Variants in KCNQ1 observed in about 807,000 individuals in gnomAD.
KCNQ1 encodes the protein potassium voltage-gated channel subfamily Q member 1.
KCNQ1 carries 49 observed loss-of-function variants against 72.4 expected under a neutral mutation model. The observed-to-expected ratio is 0.68, with a 90% CI of 0.54 to 0.86. The LOEUF (loss-of-function observed/expected upper bound fraction) is 0.86. KCNQ1 is among the 40% of genes least tolerant of loss of function. The pLI is 0.00. For synonymous variants in KCNQ1, 450 were observed against 412.6 expected, an observed-to-expected ratio of 1.09 and a Z score of -1.10; for missense variants, 790 against 945.1, an observed-to-expected ratio of 0.84 and a Z score of 2.15.
chr11:2,607,680 CTT>C (rs1848903681), intron 10 of KCNQ1, among the ~76,000 whole-genome samples: 1 of 152,188 alleles, frequency 6.6e-6, no homozygotes, highest in African/African-American at 2.4e-5. Flanking sequence ...GTTCGTGATA[CTT>C]TGTTATAACA....
At chr11:2,533,339 C>T (rs1847673236) in intron 2 of KCNQ1, among the ~76,000 whole-genome samples, 1 of 152,218 alleles carries the variant, frequency 6.6e-6, no homozygotes, top group African/African-American at 2.4e-5. Flanking sequence ...GTCCGGCCGG[C>T]ACCGTGAACA....
intron 11 of KCNQ1, chr11:2,688,849 G>A (rs1434110810): frequency 5.0e-6 from 2 of 398,870 alleles, no homozygotes; most frequent in East Asian, 7.1e-5. Context: ...TCCAGGTGGA[G>A]AGGGCTGGGC....
In KCNQ1 at chr11:2,715,536, A is replaced by G. The variant is rs1851078559; in HGVS notation, c.1515-53308A>G. Among the ~76,000 whole-genome samples, 1 of 151,964 alleles carries G rather than the reference A, an allele frequency of 6.6e-6. No individual in the cohort carries two copies. The highest frequency in any genetic ancestry group is 6.6e-5 in the Admixed American group (1 of 15,258). ...CCAGGTAGACTTCGTTTCCAGCCGG[A>G]GTGTACCTGGGGATGCCTGTGCCCA... On this transcript the variant is annotated intron_variant, in intron 11 of 15. Transcript: ENST00000155840. The surrounding 1 kb of genome is among the most constrained non-coding windows in gnomAD (Gnocchi z 4.9).
At chr11:2,582,090 G>A (rs781722517) in intron 6 of KCNQ1, among the ~76,000 whole-genome samples, 9 of 152,190 alleles carry the variant, frequency 5.9e-5, no homozygotes, top group Non-Finnish European at 8.8e-5. Context: ...GGTGGCTGGC[G>A]TTCATCACTG....
Position 2,522,815 on chromosome 11 carries a change from G to A in KCNQ1, c.387-5113G>A, listed in dbSNP as rs545169520. ...TGGAGCCCTGTCTTCTGCCTCAGCC[G>A]CGATTCCACTGCACGGGACTTTCCC... On this transcript the variant is annotated intron_variant, in intron 1 of 15. Transcript: ENST00000155840. 1.6e-4 allele frequency among the ~76,000 whole-genome samples: 25 copies of A among 152,302 alleles called. No homozygotes were observed. The South Asian group carries it at 4.3e-3, about 26-fold the overall frequency.
At chr11:2,545,381 C>T (rs1589942315) in intron 2 of KCNQ1, among the ~76,000 whole-genome samples, 1 of 152,168 alleles carries the variant, frequency 6.6e-6, no homozygotes, top group African/African-American at 2.4e-5. Flanking sequence ...TGGACTCCAT[C>T]AGGAAAGTTG....
chr11:2,609,037 CTAATATT>C (rs2133787976), intron 10 of KCNQ1: 2 of 398,206 alleles, frequency 5.0e-6, no homozygotes, highest in South Asian at 1.3e-4. Flanking sequence ...TATTTCTACT[CTAATATT>C]TATTATTTTG....
intron 11 of KCNQ1, chr11:2,666,773 C>T (rs886830708): frequency 2.0e-5 from 8 of 398,618 alleles, no homozygotes; most frequent in African/African-American, 4.1e-5. Flanking sequence ...TGTCTAAGCT[C>T]CTCACCATAT....
At chr11:2,586,567 C>T (rs1197253158) in intron 8 of KCNQ1, among the ~76,000 whole-genome samples, 2 of 152,122 alleles carry the variant, frequency 1.3e-5, no homozygotes, top group Non-Finnish European at 2.9e-5. Flanking sequence ...GGAGTAGGGG[C>T]CCCAGGTGGC....
At chr11:2,518,956 A>G (rs1051465271) in intron 1 of KCNQ1, among the ~76,000 whole-genome samples, 2 of 152,126 alleles carry the variant, frequency 1.3e-5, no homozygotes, top group Non-Finnish European at 1.5e-5. Flanking sequence ...GGGTCTGTGA[A>G]GCGGGTGTGG....
intron 11 of KCNQ1, among the ~76,000 whole-genome samples, chr11:2,733,847 C>T (rs1320975220): frequency 2.5e-4 from 10 of 39,478 alleles, no homozygotes; most frequent in East Asian, 1.3e-3. Flanking sequence ...CTCTCTCTCT[C>T]TCTCTCTCTC....
chr11:2,682,161 T>C lies in KCNQ1; in HGVS notation c.1514+20080T>C, dbSNP rs917927269. The C allele has an allele frequency of 5.0e-6, 2 of 398,502 alleles. No individual in the cohort carries two copies. Among genetic ancestry groups the C allele is most frequent in the Admixed American group, 8.8e-5 (2 of 22,722 alleles). 24.7% of individuals were successfully genotyped at this position (398,502 alleles called of 1,614,324 possible). ...TCAAATATTCTTTCAGTATTAAACA[T>C]ATCAAGCTCTCTCCTGACCTTCTCT... is the stretch of plus-strand genomic sequence containing the variant. On this transcript the variant is annotated intron_variant, in intron 11 of 15. Transcript: ENST00000155840. This position sits in a 1 kb window ranked among gnomAD's most constrained non-coding sequence, Gnocchi z 5.8.
chr11:2,448,242 G>A (rs1249263946), intron 1 of KCNQ1, among the ~76,000 whole-genome samples: 1 of 152,184 alleles, frequency 6.6e-6, no homozygotes, highest in African/African-American at 2.4e-5. Context: ...GGGATTTGAG[G>A]GGGGACCTGC....
At position 2,669,684 on chromosome 11, in the gene KCNQ1, G is replaced by A. The variant is rs1850146528; in HGVS notation, c.1514+7603G>A. On this transcript the variant is annotated intron_variant, in intron 11 of 15. Coordinates refer to ENST00000155840, the MANE Select transcript of KCNQ1 (RefSeq NM_000218.3). The surrounding 1 kb of genome is among the most constrained non-coding windows in gnomAD (Gnocchi z 5.6). ...TCACAGTATTAGTGTAAGGCCTTGA[G>A]GAGATGGTGTTAGGCATCCAGCCAC... 5.0e-6 allele frequency: 2 copies of A among 398,640 alleles called. No homozygotes were observed. Among genetic ancestry groups the A allele is most frequent in the Non-Finnish European group, 8.8e-6 (2 of 226,076 alleles). The allele number at this position is 398,640 out of a possible 1,614,324, so 24.7% of individuals were successfully genotyped here.
chr11:2,671,465 G>A lies in KCNQ1; in HGVS notation c.1514+9384G>A. 2.5e-6 allele frequency: 1 copy of A among 398,596 alleles called. No homozygotes were observed. Among genetic ancestry groups the A allele is most frequent in the Non-Finnish European group, 4.4e-6 (1 of 226,068 alleles). 24.7% of individuals were successfully genotyped at this position (398,596 alleles called of 1,614,324 possible). Reference sequence around the variant, plus strand: ...CAGGCAGAAGAGCAACCCAGCAGGGGATATACACAAAGATCTGAGAAAGGG... The same window carrying A: ...CAGGCAGAAGAGCAACCCAGCAGGGAATATACACAAAGATCTGAGAAAGGG... On this transcript the variant is annotated intron_variant, in intron 11 of 15. Coordinates refer to ENST00000155840, the MANE Select transcript of KCNQ1 (RefSeq NM_000218.3). This position sits in a 1 kb window ranked among gnomAD's most constrained non-coding sequence, Gnocchi z 4.7.
intron 2 of KCNQ1, among the ~76,000 whole-genome samples, chr11:2,569,288 T>C (rs999910217): frequency 2.0e-4 from 31 of 152,254 alleles, no homozygotes; most frequent in African/African-American, 7.5e-4. Flanking sequence ...AAAACATTTT[T>C]GCAAAAGGAA....
At chr11:2,709,407 G>A (rs534229829) in intron 11 of KCNQ1, among the ~76,000 whole-genome samples, 38 of 134,968 alleles carry the variant, frequency 2.8e-4, no homozygotes, top group Non-Finnish European at 3.6e-4. Context: ...CTGGTGCTAC[G>A]GTCCTGCAGG....
At chr11:2,634,327 TCCC>T (rs1554900017) in intron 10 of KCNQ1, 2 of 92,924 alleles carry the variant, frequency 2.2e-5, no homozygotes, top group African/African-American at 1.3e-4. Context: ...CCCTCCCCCC[TCCC>T]CCCCCACCCC....
chr11:2,607,642 A>G (rs1848902878), intron 10 of KCNQ1, among the ~76,000 whole-genome samples: 1 of 152,246 alleles, frequency 6.6e-6, no homozygotes, highest in African/African-American at 2.4e-5. Context: ...AATTGCAAAA[A>G]ATAAATTTCT....
Sources: gnomAD v4.1 joint callset for allele counts (sites outside exome capture counted in the v4.1 genomes callset) on GRCh38, gnomAD v4.1.1 for gene constraint, Gnocchi (gnomAD v3.1) non-coding constraint, MANE v1.5 for transcripts, NCBI Gene and HGNC (gene_info 2026-07-23, HGNC 2026-07-21) for gene names.